The following MPPED1 variants were observed in gnomAD, a reference collection of about 807,000 sequenced individuals.
The protein encoded by MPPED1 is metallophosphoesterase domain-containing protein 1.
A neutral mutation model predicts 36.2 loss-of-function variants in MPPED1; 16 were observed. The observed-to-expected ratio is 0.44, with a 90% CI of 0.30 to 0.67. The LOEUF (loss-of-function observed/expected upper bound fraction) is 0.67, where lower values mean the gene tolerates loss of function less well. MPPED1 is among the 30% of genes least tolerant of loss of function. The probability of loss-of-function intolerance (pLI) is 0.10; values close to 1 mark genes in which losing one functional copy is unlikely to be tolerated. For missense variants in MPPED1, 307 were observed against 453.4 expected (o/e 0.68, Z 2.93); for synonymous variants, 199 against 191.3 (o/e 1.04, Z -0.33).
chr22:43,489,691 G>A (rs1390294469), intron 4 of MPPED1, among the ~76,000 whole-genome samples: 5 of 152,210 alleles, frequency 3.3e-5, no homozygotes, highest in South Asian at 2.1e-4. Context: ...GCTAATTTTT[G>A]TATTTTTAGT....
intron 1 of MPPED1, among the ~76,000 whole-genome samples, chr22:43,414,688 C>CA (rs1929016260): frequency 6.6e-6 from 1 of 152,184 alleles, no homozygotes; most frequent in Non-Finnish European, 1.5e-5. Flanking sequence ...GATTGTCTGT[C>CA]AAAGTCTTTA....
chr22:43,441,079 C>G (rs576904724), intron 3 of MPPED1, among the ~76,000 whole-genome samples: 3 of 152,154 alleles, frequency 2.0e-5, no homozygotes, highest in African/African-American at 7.2e-5. Flanking sequence ...CCATCTCTCT[C>G]ATCCAGCCAC....
In MPPED1 at chr22:43,428,282, A is replaced by G. The variant is rs8139603; in HGVS notation, c.224+3073A>G. On this transcript the variant is annotated intron_variant, in intron 2 of 6. Coordinates refer to ENST00000443721, the MANE Select transcript of MPPED1 (RefSeq NM_001044370.2). ...CACCACCACCTCCGGCAGAGGGGAG[A>G]GTTCCCGGCTTCTGCTGACTCCGAG... 2.9e-3 allele frequency among the ~76,000 whole-genome samples: 435 copies of G among 152,264 alleles called. 3 individuals carry two copies. Among genetic ancestry groups the G allele is most frequent in the African/African-American group, 0.01 (417 of 41,548 alleles).
chr22:43,434,985 G>A, intron 2 of MPPED1, 49 bp from the exon 3 acceptor site: 1 of 1,585,342 alleles, frequency 6.3e-7, no homozygotes, highest in Non-Finnish European at 8.6e-7. Flanking sequence ...CCACCCGCAG[G>A]CTCGCGGCTC....
intron 2 of MPPED1, among the ~76,000 whole-genome samples, chr22:43,427,592 C>T (rs1203157837): frequency 1.3e-5 from 2 of 152,126 alleles, no homozygotes; most frequent in South Asian, 2.1e-4. Flanking sequence ...CCCATTTAAC[C>T]GAGCAACCCA....
At chr22:43,496,613 GTGGTGGAGA>G (rs1438773965) in intron 4 of MPPED1, among the ~76,000 whole-genome samples, 6 of 26,296 alleles carry the variant, frequency 2.3e-4, no homozygotes, top group Admixed American at 4.4e-4. Context: ...GGAGGTAGTG[GTGGTGGAGA>G]TGGTGGTGGA....
chr22:43,432,366 G>GA (rs1929727611), intron 2 of MPPED1, among the ~76,000 whole-genome samples: 1 of 101,160 alleles, frequency 9.9e-6, no homozygotes, highest in Non-Finnish European at 2.0e-5. Flanking sequence ...AGAGAGAAAG[G>GA]GAGAGAGAAA....
intron 5 of MPPED1, among the ~76,000 whole-genome samples, chr22:43,500,392 TGGA>T (rs1932687481): frequency 6.8e-6 from 1 of 147,550 alleles, no homozygotes; most frequent in African/African-American, 2.6e-5. Context: ...GTGATGGTGA[TGGA>T]GGTGGTAGTG....
intron 4 of MPPED1, among the ~76,000 whole-genome samples, chr22:43,491,375 A>G (rs997895200): frequency 2.0e-5 from 3 of 151,058 alleles, no homozygotes; most frequent in Admixed American, 2.0e-4. Context: ...TGATAATGGT[A>G]GTGGTGATGA....
In MPPED1 at chr22:43,502,677, G is replaced by T; in HGVS notation, c.782G>T (p.Arg261Leu). ...FLDWVPKKMQ[R>L]VGCVELLNTV... ...GACTGGGTCCCCAAGAAGATGCAGC[G>T]GGTGGGCTGTGTGGAGCTGCTCAAC... is the stretch of plus-strand genomic sequence containing the variant. The change falls in exon 6 of 7, where the codon CGG becomes CTG. Residue 261 changes from arginine (R) to leucine (L), a missense_variant. Arg to Leu is a moderately radical substitution (Grantham distance 102, BLOSUM62 -2). Transcript: ENST00000443721. The surrounding 1 kb of genome is among the most constrained non-coding windows in gnomAD (Gnocchi z 5.5). The T allele has an allele frequency of 6.2e-7, 1 of 1,613,296 alleles. No homozygotes were observed. Among genetic ancestry groups the T allele is most frequent in the Non-Finnish European group, 8.5e-7 (1 of 1,179,836 alleles).
At chr22:43,460,042 A>G (rs1930891514) in intron 3 of MPPED1, among the ~76,000 whole-genome samples, 3 of 151,960 alleles carry the variant, frequency 2.0e-5, no homozygotes. Context: ...CCCCGTCTCT[A>G]CTAAAAATAC....
intron 3 of MPPED1, among the ~76,000 whole-genome samples, chr22:43,460,206 A>AAAAAACAAAAACAAAAAC (rs135033): frequency 7.8e-6 from 1 of 128,894 alleles, no homozygotes; most frequent in African/African-American, 3.1e-5. Flanking sequence ...ACTCCATCTC[A>AAAAAACAAAAACAAAAAC]AAAAACAAAA....
chr22:43,449,422 A>ACCCCCCCCCCCCCCCCCCC (rs135045), intron 3 of MPPED1, among the ~76,000 whole-genome samples: 15 of 127,396 alleles, frequency 1.2e-4, no homozygotes, highest in Admixed American at 3.3e-4. Context: ...GACAGTGCCA[A>ACCCCCCCCCCCCCCCCCCC]CCCCCCCCGC....
chr22:43,499,238 T>G (rs1932535934), intron 5 of MPPED1, among the ~76,000 whole-genome samples: 3 of 96,962 alleles, frequency 3.1e-5, no homozygotes, highest in Non-Finnish European at 4.2e-5. Flanking sequence ...GCAGTGGGGA[T>G]GGGGTGGTGG....
intron 3 of MPPED1, among the ~76,000 whole-genome samples, chr22:43,445,672 C>T (rs1041136846): frequency 4.6e-5 from 7 of 151,396 alleles, no homozygotes; most frequent in African/African-American, 7.3e-5. Context: ...GCAACCCTCC[C>T]GTCTTAGTCC....
chr22:43,477,967 G>C (rs1931629935), intron 4 of MPPED1, among the ~76,000 whole-genome samples: 1 of 152,204 alleles, frequency 6.6e-6, no homozygotes, highest in Non-Finnish European at 1.5e-5. Flanking sequence ...GAGTGGCTGT[G>C]GTCATTTATT....
At chr22:43,503,645 T>C (rs1167703931) in intron 6 of MPPED1, among the ~76,000 whole-genome samples, 1 of 152,190 alleles carries the variant, frequency 6.6e-6, no homozygotes, top group Non-Finnish European at 1.5e-5. Flanking sequence ...CACCTGGCCC[T>C]GGAGTAGCTC....
chr22:43,415,479 A>G (rs922098512), intron 1 of MPPED1, among the ~76,000 whole-genome samples: 1 of 149,016 alleles, frequency 6.7e-6, no homozygotes, highest in Admixed American at 6.9e-5. Context: ...GTGACCAATG[A>G]GGGCAGCCCA....
intron 3 of MPPED1, among the ~76,000 whole-genome samples, chr22:43,436,415 G>T (rs1283272584): frequency 1.3e-5 from 2 of 152,244 alleles, no homozygotes; most frequent in Non-Finnish European, 1.5e-5. Flanking sequence ...GCCGCGGTGA[G>T]CCAGGGGCCC....
Sources: gnomAD v4.1 joint callset for allele counts (sites outside exome capture counted in the v4.1 genomes callset) on GRCh38, gnomAD v4.1.1 for gene constraint, Gnocchi (gnomAD v3.1) non-coding constraint, MANE v1.5 for transcripts, NCBI Gene and HGNC (gene_info 2026-07-23, HGNC 2026-07-21) for gene names.